GPHN: variants seen among roughly 807,000 people sequenced by gnomAD.
GPHN encodes the protein gephyrin.
In GPHN, 17 loss-of-function variants were observed where a neutral mutation model predicts 95.5. That is an observed-to-expected ratio of 0.18 (90% CI 0.12 to 0.27). The LOEUF (loss-of-function observed/expected upper bound fraction) is 0.27. Ranked by LOEUF, GPHN falls within the 10% of genes least tolerant of loss-of-function variation. GPHN has a pLI of 1.00. For synonymous variants in GPHN, 320 were observed against 322.5 expected (o/e 0.99, Z 0.08); for missense variants, 660 against 978.1 (o/e 0.67, Z 4.34).
At chr14:67,111,196 A>G (rs1183540210) in intron 14 of GPHN, among the ~76,000 whole-genome samples, 2 of 152,200 alleles carry the variant, frequency 1.3e-5, no homozygotes, top group Non-Finnish European at 2.9e-5. Flanking sequence ...AACCCTTGGC[A>G]AACAGATCAC....
At chr14:66,887,168 A>G (rs1410234521) in intron 5 of GPHN, among the ~76,000 whole-genome samples, 1 of 152,150 alleles carries the variant, frequency 6.6e-6, no homozygotes, top group African/African-American at 2.4e-5. Flanking sequence ...GCTGGAGTAT[A>G]ATCAAATACT....
intron 1 of GPHN, among the ~76,000 whole-genome samples, chr14:66,643,701 T>C (rs1263147865): frequency 6.6e-6 from 1 of 151,544 alleles, no homozygotes; most frequent in Non-Finnish European, 1.5e-5. Context: ...TAGAAGTCAG[T>C]ATTTCCTTCT....
chr14:66,675,522 G>C (rs1047577017), intron 1 of GPHN, among the ~76,000 whole-genome samples: 9 of 152,002 alleles, frequency 5.9e-5, no homozygotes, highest in Non-Finnish European at 1.0e-4. Flanking sequence ...TCCCTTGTCA[G>C]GTAAATAATT....
At chr14:66,819,567 G>A (rs2153489102) in intron 3 of GPHN, among the ~76,000 whole-genome samples, 1 of 152,102 alleles carries the variant, frequency 6.6e-6, no homozygotes, top group Non-Finnish European at 1.5e-5. Context: ...TAGCCCTATA[G>A]TATAGTTTGA....
chr14:67,615,448 G>A, the GPHN span: 1 of 275,320 alleles, frequency 3.6e-6, no homozygotes, highest in Non-Finnish European at 7.3e-6. Context: ...TGGGCCCTAG[G>A]CAACTCTGTG....
At chr14:67,595,641 G>A in the GPHN span, among the ~76,000 whole-genome samples, 2 of 152,198 alleles carry the variant, frequency 1.3e-5, no homozygotes, top group African/African-American at 2.4e-5. Context: ...GAAAACTTGA[G>A]TTTATCTTTA....
chr14:67,592,487 C>G, the GPHN span: 1 of 587,024 alleles, frequency 1.7e-6, no homozygotes, highest in Non-Finnish European at 3.1e-6. Context: ...ACATTTGCCT[C>G]AGAGAGGAAC....
intron 17 of GPHN, among the ~76,000 whole-genome samples, chr14:67,126,575 G>A (rs2079331516): frequency 6.6e-6 from 1 of 152,198 alleles, no homozygotes. Flanking sequence ...GATAAGACAG[G>A]TAAATTGAGT....
At chr14:67,729,938 A>T in the GPHN span, 1 of 405,116 alleles carries the variant, frequency 2.5e-6, no homozygotes, top group Non-Finnish European at 4.9e-6. Context: ...TCCATGACAG[A>T]ATCCAGCCCT....
At chr14:67,044,939 G>A (rs2074925487) in intron 10 of GPHN, among the ~76,000 whole-genome samples, 1 of 151,676 alleles carries the variant, frequency 6.6e-6, no homozygotes, top group Non-Finnish European at 1.5e-5. Context: ...CATTTCCAAG[G>A]CCTGAATTCT....
intron 2 of GPHN, among the ~76,000 whole-genome samples, chr14:66,771,441 T>A (rs2059166234): frequency 6.6e-6 from 1 of 152,202 alleles, no homozygotes. Context: ...GAAGTTAACC[T>A]GCGAGAACTC....
At chr14:66,770,209 T>C (rs563386506) in intron 2 of GPHN, among the ~76,000 whole-genome samples, 1 of 152,244 alleles carries the variant, frequency 6.6e-6, no homozygotes, top group Non-Finnish European at 1.5e-5. Context: ...TTGAAGTTCC[T>C]TATAGATGCT....
the GPHN span, among the ~76,000 whole-genome samples, chr14:67,468,175 T>C: frequency 1.3e-5 from 2 of 152,234 alleles, no homozygotes; most frequent in African/African-American, 2.4e-5. Context: ...GGTTTCACCA[T>C]GTTGGCCACG....
chr14:66,565,399 A>C (rs1746129262), intron 1 of GPHN, among the ~76,000 whole-genome samples: 1 of 151,998 alleles, frequency 6.6e-6, no homozygotes, highest in Admixed American at 6.6e-5. Flanking sequence ...CCCAGGCTCA[A>C]GTGATTCTCT....
intron 21 of GPHN, among the ~76,000 whole-genome samples, chr14:67,172,281 A>G (rs1054683472): frequency 3.9e-5 from 6 of 152,140 alleles, no homozygotes; most frequent in Non-Finnish European, 8.8e-5. Flanking sequence ...AGCCAGAGCT[A>G]AAGCCATATA....
chr14:67,208,595 T>A, the GPHN span: 1 of 907,022 alleles, frequency 1.1e-6, no homozygotes, highest in Non-Finnish European at 1.6e-6. Context: ...TATAGTCAAC[T>A]CTGAATGACC....
chr14:67,147,309 C>G (rs932076419), intron 18 of GPHN, among the ~76,000 whole-genome samples: 5 of 152,302 alleles, frequency 3.3e-5, no homozygotes, highest in Admixed American at 2.6e-4. Context: ...AAATCTGTCT[C>G]TGTTTCGGGC....
chr14:67,200,441 C>G, the GPHN span: 1 of 464,572 alleles, frequency 2.2e-6, no homozygotes, highest in Admixed American at 4.4e-5. Flanking sequence ...TCAGCACCCC[C>G]ACCCCATTCC....
At chr14:66,610,683 G>A (rs997087221) in intron 1 of GPHN, among the ~76,000 whole-genome samples, 1 of 152,058 alleles carries the variant, frequency 6.6e-6, no homozygotes, top group Non-Finnish European at 1.5e-5. Context: ...ACTTTATTTA[G>A]GGTCATTGCG....
Sources: gnomAD v4.1 joint callset for allele counts (sites outside exome capture counted in the v4.1 genomes callset) on GRCh38, gnomAD v4.1.1 for gene constraint, MANE v1.5 for transcripts, NCBI Gene and HGNC (gene_info 2026-07-23, HGNC 2026-07-21) for gene names.